NUP54: variants seen among roughly 807,000 people sequenced by gnomAD.
NUP54 encodes the protein nucleoporin p54.
NUP54 carries 27 observed loss-of-function variants against 66.4 expected under a neutral mutation model. That is an observed-to-expected ratio of 0.41 (90% CI 0.30 to 0.56). NUP54 has a LOEUF of 0.56. NUP54 is among the 20% of genes least tolerant of loss of function. The pLI is 0.34. For synonymous variants in NUP54, 206 were observed against 210.7 expected, an observed-to-expected ratio of 0.98 and a Z score of 0.19; for missense variants, 486 against 596.3, an observed-to-expected ratio of 0.82 and a Z score of 1.93.
At chr4:76,140,362 T>C (rs920287388) in intron 3 of NUP54, among the ~76,000 whole-genome samples, 3 of 149,212 alleles carry the variant, frequency 2.0e-5, no homozygotes, top group African/African-American at 4.9e-5. Context: ...CTCAGCTCAC[T>C]GCAACCTCTG....
chr4:76,130,797 A>G, intron 7 of NUP54, 48 bp from the exon 8 acceptor site: 1 of 1,216,382 alleles, frequency 8.2e-7, no homozygotes, highest in Non-Finnish European at 1.2e-6. Flanking sequence ...CTATTACTAC[A>G]AAATACAAGA....
intron 11 of NUP54, 44 bp downstream of exon 11, chr4:76,117,620 G>A: frequency 8.6e-7 from 1 of 1,164,882 alleles, no homozygotes; most frequent in Non-Finnish European, 1.3e-6. Flanking sequence ...GGTGTGAAGT[G>A]GTGAGCTCAC....
intron 6 of NUP54, 86 bp downstream of exon 6, chr4:76,132,437 A>T: frequency 1.0e-6 from 1 of 997,022 alleles, no homozygotes; most frequent in Non-Finnish European, 1.4e-6. Context: ...ATTAGCATTA[A>T]TAACCAACCA....
intron 3 of NUP54, among the ~76,000 whole-genome samples, chr4:76,143,907 A>G (rs1016542835): frequency 1.3e-5 from 2 of 152,156 alleles, no homozygotes; most frequent in Non-Finnish European, 2.9e-5. Flanking sequence ...TCTATTTGTT[A>G]TTTTTAACAA....
chr4:76,125,831 A>G (rs1427453303), intron 8 of NUP54, among the ~76,000 whole-genome samples: 2 of 31,826 alleles, frequency 6.3e-5, no homozygotes, highest in African/African-American at 2.1e-4. Context: ...AGAAAGGGGG[A>G]GAGAGGGAGA....
At position 76,124,760 on chromosome 4, in the gene NUP54, T is replaced by C. The variant is rs538924693; in HGVS notation, c.1057-4A>G. The C allele has an allele frequency of 5.5e-6, 5 of 911,488 alleles. No individual in the cohort carries two copies. The highest frequency in any genetic ancestry group is 2.4e-5 in the Admixed American group (1 of 41,136). 56.5% of individuals were successfully genotyped at this position (911,488 alleles called of 1,614,324 possible). On this transcript the variant is annotated splice_polypyrimidine_tract_variant and splice_region_variant and intron_variant, in intron 8 of 11. Coordinates refer to ENST00000264883, the MANE Select transcript of NUP54 (RefSeq NM_017426.4). Reference sequence around the variant, plus strand: ...CACTAATATCTTCAGATATGATCTGTTTAAAAAAAAATTGGGGGGGGGAGG... The same window carrying C: ...CACTAATATCTTCAGATATGATCTGCTTAAAAAAAAATTGGGGGGGGGAGG...
chr4:76,116,762 G>A (rs1456193079), intron 11 of NUP54, among the ~76,000 whole-genome samples: 2 of 152,182 alleles, frequency 1.3e-5, no homozygotes, highest in Non-Finnish European at 2.9e-5. Context: ...GATTGAGTAC[G>A]TCTGGAGTAA....
chr4:76,118,090 T>C lies in NUP54; in HGVS notation c.1269A>G (p.Ala423=). ...QLDTIQGELN[A]PTQFKGRLNE... The stretch of plus-strand genomic sequence containing the variant: ...AAGTGGTTACCTTGAACTGAGTAGG[T>C]GCATTTAGTTCACCCTGAATCGTAT... The change falls in exon 10 of 12, where the codon GCA becomes GCG. Residue 423 remains alanine, a synonymous_variant. Transcript: ENST00000264883. 6.2e-7 allele frequency: 1 copy of C among 1,614,084 alleles called. No homozygotes were observed.
At chr4:76,132,380 A>T (rs143281378) in intron 6 of NUP54, 143 bp downstream of exon 6, 7,075 of 529,322 alleles carry the variant, frequency 0.013, 90 homozygotes, top group South Asian at 0.04. Context: ...AAATATTCAA[A>T]ACTATTTCCC....
At chr4:76,129,278 A>G (rs764168392) in intron 8 of NUP54, among the ~76,000 whole-genome samples, 8 of 152,220 alleles carry the variant, frequency 5.3e-5, no homozygotes, top group Non-Finnish European at 1.0e-4. Context: ...GAGGGATATG[A>G]TATAATAATA....
chr4:76,132,605 C>G lies in NUP54; in HGVS notation c.825G>C (p.Gln275His). 6.2e-7 allele frequency: 1 copy of G among 1,614,064 alleles called. No individual in the cohort carries two copies. The highest frequency in any genetic ancestry group is 8.5e-7 in the Non-Finnish European group (1 of 1,179,994). Residue 275 changes from glutamine (Q) to histidine (H), a missense_variant, in exon 6 of 12, where the codon CAG becomes CAC. By Grantham distance (24) the Gln-to-His change is conservative. Transcript: ENST00000264883. Reference protein sequence around the residue: ...FEQANIKTQLQQLGVTLSMTR... With the variant: ...FEQANIKTQLHQLGVTLSMTR... Reference sequence around the variant, plus strand: ...TCATAGAAAGGGTTACACCAAGTTGCTGCAATTGTGTTTTTATATTGGCTT... The same window carrying G: ...TCATAGAAAGGGTTACACCAAGTTGGTGCAATTGTGTTTTTATATTGGCTT...
intron 8 of NUP54, among the ~76,000 whole-genome samples, chr4:76,130,161 T>C (rs1730740235): frequency 6.6e-6 from 1 of 151,668 alleles, no homozygotes; most frequent in Non-Finnish European, 1.5e-5. Context: ...TTGAATTTTT[T>C]AGTACAGACC....
chr4:76,145,075 T>C (rs879294624), intron 1 of NUP54, among the ~76,000 whole-genome samples: 1 of 151,990 alleles, frequency 6.6e-6, no homozygotes, highest in Non-Finnish European at 1.5e-5. Context: ...TCCCAGCACT[T>C]TGGGAGGCCG....
chr4:76,118,776 G>A (rs1333929450), intron 9 of NUP54, among the ~76,000 whole-genome samples: 7 of 151,794 alleles, frequency 4.6e-5, no homozygotes, highest in Non-Finnish European at 8.8e-5. Context: ...AGGACAAGGC[G>A]GGTGGATCAA....
Position 76,132,697 on chromosome 4 carries a change from C to T in NUP54, c.733G>A (p.Val245Ile). Reference sequence around the variant, plus strand: ...GAAGTACCATTTGGCGAACGCTCAACAACATAAATAACAACTTCTGTCCTG... The same window carrying T: ...GAAGTACCATTTGGCGAACGCTCAATAACATAAATAACAACTTCTGTCCTG... ...DDQTEVVIYV[V>I]ERSPNGTSRR... Residue 245 changes from valine to isoleucine, a missense_variant, in exon 6 of 12, where the codon GTT becomes ATT. By Grantham distance (29) the Val-to-Ile change is conservative. This residue lies in a region of NUP54 where 217 missense variants were observed against 247.9 expected (regional missense o/e 0.88). Coordinates refer to ENST00000264883, the MANE Select transcript of NUP54 (RefSeq NM_017426.4). 6.2e-7 allele frequency: 1 copy of T among 1,612,682 alleles called. No individual in the cohort carries two copies. Among genetic ancestry groups the T allele is most frequent in the African/African-American group, 1.3e-5 (1 of 74,942 alleles).
At chr4:76,122,124 T>A (rs1020975612) in intron 9 of NUP54, among the ~76,000 whole-genome samples, 1 of 152,252 alleles carries the variant, frequency 6.6e-6, no homozygotes, top group Non-Finnish European at 1.5e-5. Flanking sequence ...TGTGTTGCTA[T>A]AATAAGTCAT....
intron 9 of NUP54, among the ~76,000 whole-genome samples, chr4:76,123,835 GT>G (rs1205546588): frequency 6.6e-6 from 1 of 151,964 alleles, no homozygotes; most frequent in Non-Finnish European, 1.5e-5. Flanking sequence ...TTCTTATTCT[GT>G]TTTGTATATC....
chr4:76,126,764 C>T (rs1005079235), intron 8 of NUP54, among the ~76,000 whole-genome samples: 1 of 152,050 alleles, frequency 6.6e-6, no homozygotes, highest in Non-Finnish European at 1.5e-5. Flanking sequence ...AGAGACATAC[C>T]ACATTCATGG....
intron 8 of NUP54, among the ~76,000 whole-genome samples, chr4:76,129,268 G>A (rs1347025375): frequency 1.3e-5 from 2 of 152,168 alleles, no homozygotes; most frequent in Non-Finnish European, 2.9e-5. Flanking sequence ...CGAGGATTAA[G>A]AGGGATATGA....
Sources: allele counts gnomAD v4.1 joint callset (sites outside exome capture counted in the v4.1 genomes callset), GRCh38; gene constraint gnomAD v4.1.1; regional missense constraint gnomAD v4.1.1; transcripts MANE v1.5; gene names NCBI Gene and HGNC (gene_info 2026-07-23, HGNC 2026-07-21).